Variants in MGAT5 observed in about 807,000 individuals in gnomAD.
The protein encoded by MGAT5 is alpha-1,6-mannosylglycoprotein 6-beta-N-acetylglucosaminyltransferase.
MGAT5 carries 30 observed loss-of-function variants against 94.3 expected under a neutral mutation model. The ratio of observed to expected loss-of-function variants is 0.32; its 90% CI spans 0.24 to 0.43. MGAT5 has a LOEUF of 0.43. Ranked by LOEUF, MGAT5 falls within the 20% of genes least tolerant of loss-of-function variation. MGAT5 has a pLI of 1.00. For synonymous variants in MGAT5, 310 were observed against 322.9 expected, an observed-to-expected ratio of 0.96 and a Z score of 0.43; for missense variants, 691 against 905.5, an observed-to-expected ratio of 0.76 and a Z score of 3.04.
intron 1 of MGAT5, among the ~76,000 whole-genome samples, chr2:134,127,598 A>G (rs1023618796): frequency 8.6e-5 from 13 of 150,568 alleles, no homozygotes; most frequent in Admixed American, 4.0e-4. Context: ...TACAGGCTGG[A>G]AGCTCCAGGC....
At chr2:134,379,018 G>A (rs1434469089) in intron 10 of MGAT5, among the ~76,000 whole-genome samples, 2 of 152,174 alleles carry the variant, frequency 1.3e-5, no homozygotes, top group Non-Finnish European at 2.9e-5. Context: ...CTTTCAGTGG[G>A]TGATGGGACT....
intron 2 of MGAT5, among the ~76,000 whole-genome samples, chr2:134,296,152 G>A (rs1162814523): frequency 6.6e-6 from 1 of 152,134 alleles, no homozygotes; most frequent in East Asian, 1.9e-4. Context: ...TCATGTAGCT[G>A]GGTAGGCCAA....
At chr2:134,120,523 T>A (rs1685518705) in intron 1 of MGAT5, among the ~76,000 whole-genome samples, 1 of 151,298 alleles carries the variant, frequency 6.6e-6, no homozygotes, top group Admixed American at 6.6e-5. Context: ...AGACGCGCCT[T>A]GAGAAGCCCA....
chr2:134,151,814 C>T (rs1474343765), intron 1 of MGAT5, among the ~76,000 whole-genome samples: 1 of 128,570 alleles, frequency 7.8e-6, no homozygotes, highest in African/African-American at 3.0e-5. Flanking sequence ...TGGGAGCCTC[C>T]CACTGCCATG....
At chr2:134,182,123 A>G (rs938203092) in intron 1 of MGAT5, among the ~76,000 whole-genome samples, 5 of 152,220 alleles carry the variant, frequency 3.3e-5, no homozygotes, top group African/African-American at 1.2e-4. Context: ...GAGGCTCAGA[A>G]ATAACTTTAA....
intron 1 of MGAT5, among the ~76,000 whole-genome samples, chr2:134,204,892 A>G (rs990866023): frequency 1.3e-5 from 2 of 152,204 alleles, no homozygotes; most frequent in African/African-American, 2.4e-5. Context: ...AAAGACAAAG[A>G]CAGGCAGGAA....
chr2:134,246,820 C>T (rs1016963544), intron 1 of MGAT5, among the ~76,000 whole-genome samples: 9 of 152,376 alleles, frequency 5.9e-5, no homozygotes, highest in Non-Finnish European at 1.2e-4. Flanking sequence ...GCCTCAGGGT[C>T]TTCCTCTGTA....
intron 1 of MGAT5, among the ~76,000 whole-genome samples, chr2:134,255,728 G>A (rs1484419925): frequency 6.6e-6 from 1 of 152,106 alleles, no homozygotes; most frequent in Non-Finnish European, 1.5e-5. Context: ...ATGCAAGAAT[G>A]GGGTTAGGTG....
intron 1 of MGAT5, among the ~76,000 whole-genome samples, chr2:134,127,428 C>T (rs147485616): frequency 6.6e-6 from 1 of 152,064 alleles, no homozygotes; most frequent in African/African-American, 2.4e-5. Flanking sequence ...ATACGATCAA[C>T]TTTTAGAGGT....
rs557715743 is a variant in MGAT5, at chr2:134,161,640, A to T, written c.-143+41349A>T. ...AAGAATAGAGTTTATTTTTCCTTCTAGTAAGGGTGTGATCTTGGCTGGGGG... is the reference window on the plus strand; with the variant it reads ...AAGAATAGAGTTTATTTTTCCTTCTTGTAAGGGTGTGATCTTGGCTGGGGG... On this transcript the variant is annotated intron_variant, in intron 1 of 16. Transcript: ENST00000409645. Among the ~76,000 whole-genome samples, 59 of 152,244 alleles carry T rather than the reference A, an allele frequency of 3.9e-4. 1 individual carries two copies. In the South Asian group the frequency reaches 6.2e-3, roughly 16 times the overall value.
chr2:134,250,545 T>C (rs1682533114), upstream of MGAT5, among the ~76,000 whole-genome samples: 2 of 152,240 alleles, frequency 1.3e-5, no homozygotes, highest in South Asian at 2.1e-4. Context: ...CTGTGAGAGA[T>C]AGGGGTGTCT....
intron 13 of MGAT5, among the ~76,000 whole-genome samples, chr2:134,427,969 G>A (rs1684680830): frequency 1.3e-5 from 2 of 152,180 alleles, no homozygotes. Context: ...CTCATCACTA[G>A]AATGTAAAGA....
intron 1 of MGAT5, among the ~76,000 whole-genome samples, chr2:134,158,091 C>A (rs1687562887): frequency 1.3e-5 from 2 of 152,220 alleles, no homozygotes; most frequent in Admixed American, 1.3e-4. Flanking sequence ...CATGGGCGGC[C>A]ATGGGCAGGC....
chr2:134,329,155 T>C (rs1487986937), intron 4 of MGAT5, among the ~76,000 whole-genome samples: 2 of 152,060 alleles, frequency 1.3e-5, no homozygotes, highest in Non-Finnish European at 2.9e-5. Flanking sequence ...GCAACCCCAC[T>C]GAGGTAGGAA....
chr2:134,214,788 A>C (rs1196549264), intron 1 of MGAT5, among the ~76,000 whole-genome samples: 4 of 152,308 alleles, frequency 2.6e-5, no homozygotes, highest in Admixed American at 6.5e-5. Context: ...GAGGTAACTT[A>C]GTAAGCAAAC....
chr2:134,230,825 A>AACACACAC, intron 1 of MGAT5, among the ~76,000 whole-genome samples: 1 of 150,890 alleles, frequency 6.6e-6, no homozygotes, highest in East Asian at 2.0e-4. Flanking sequence ...GGGGAATGAA[A>AACACACAC]ACACACACAC....
chr2:134,424,234 C>T (rs938032860), intron 13 of MGAT5, among the ~76,000 whole-genome samples: 1 of 152,038 alleles, frequency 6.6e-6, no homozygotes, highest in Non-Finnish European at 1.5e-5. Context: ...GCCAGTGTGC[C>T]CATGTGGAGG....
At chr2:134,148,759 G>GTTTTTTTTTTTTTTTTTTTTTTTTTTT in intron 1 of MGAT5, among the ~76,000 whole-genome samples, 1 of 118,724 alleles carries the variant, frequency 8.4e-6, no homozygotes, top group Non-Finnish European at 1.7e-5. Context: ...TCTTTCTTAG[G>GTTTTTTTTTTTTTTTTTTTTTTTTTTT]TTTTTTTTTT....
In MGAT5 at chr2:134,134,113, G is replaced by T. The variant is rs530222351; in HGVS notation, c.-143+13822G>T. On this transcript the variant is annotated intron_variant, in intron 1 of 16. Transcript: ENST00000409645. ...CAACAGGGAAGCGGGCCAAGGTGCA[G>T]CCTGACTAGTGCTTCATTGTAACCA... 2.0e-5 allele frequency among the ~76,000 whole-genome samples: 3 copies of T among 152,296 alleles called. No individual in the cohort carries two copies. In the South Asian group the frequency reaches 6.2e-4, roughly 32 times the overall value.
Sources: gnomAD v4.1 joint callset for allele counts (sites outside exome capture counted in the v4.1 genomes callset) on GRCh38, gnomAD v4.1.1 for gene constraint, MANE v1.5 for transcripts, NCBI Gene and HGNC (gene_info 2026-07-23, HGNC 2026-07-21) for gene names.